CADM2: variants seen among roughly 807,000 people sequenced by gnomAD.
CADM2 encodes the protein immunoglobulin superfamily member 4D.
CADM2 carries 12 observed loss-of-function variants against 49.8 expected under a neutral mutation model. That is an observed-to-expected ratio of 0.24 (90% CI 0.15 to 0.39). The LOEUF is 0.39. Ranked by LOEUF, CADM2 falls within the 10% of genes least tolerant of loss-of-function variation. The pLI is 1.00. For missense variants in CADM2, 378 were observed against 492.3 expected (o/e 0.77, Z 2.20); for synonymous variants, 214 against 175.4 (o/e 1.22, Z -1.74).
chr3:85,748,965 A>G (rs923640597), intron 2 of CADM2, among the ~76,000 whole-genome samples: 11 of 152,088 alleles, frequency 7.2e-5, no homozygotes, highest in African/African-American at 2.2e-4. Flanking sequence ...AAGCTACAAG[A>G]TATCAACAGT....
intron 5 of CADM2, among the ~76,000 whole-genome samples, chr3:85,890,426 G>A (rs970532151): frequency 6.6e-6 from 1 of 152,068 alleles, no homozygotes; most frequent in African/African-American, 2.4e-5. Flanking sequence ...ATAGGCAGAG[G>A]GATTATTTCT....
chr3:85,489,788 C>T (rs1169675861), intron 1 of CADM2, among the ~76,000 whole-genome samples: 2 of 143,514 alleles, frequency 1.4e-5, no homozygotes, highest in Non-Finnish European at 3.1e-5. Flanking sequence ...AATTATTTAA[C>T]GTGTGTGTGT....
chr3:85,390,040 A>T (rs1559815626), intron 1 of CADM2, among the ~76,000 whole-genome samples: 1 of 152,082 alleles, frequency 6.6e-6, no homozygotes, highest in South Asian at 2.1e-4. Flanking sequence ...GTGAATATAC[A>T]TATAAGAAGG....
chr3:86,034,667 C>G (rs1295188502), intron 8 of CADM2, among the ~76,000 whole-genome samples: 3 of 152,076 alleles, frequency 2.0e-5, no homozygotes, highest in Admixed American at 2.0e-4. Flanking sequence ...TTTTAATTCT[C>G]TAGCTTTCAG....
At chr3:85,153,072 G>C (rs1233557114) in intron 1 of CADM2, among the ~76,000 whole-genome samples, 1 of 152,236 alleles carries the variant, frequency 6.6e-6, no homozygotes, top group South Asian at 2.1e-4. Context: ...TTAACACTGC[G>C]GGGGAGGAGC....
At chr3:85,408,194 A>G (rs2035490965) in intron 1 of CADM2, among the ~76,000 whole-genome samples, 1 of 152,132 alleles carries the variant, frequency 6.6e-6, no homozygotes, top group Non-Finnish European at 1.5e-5. Context: ...GTTCAGCAAT[A>G]TTTTCTTCCA....
intron 1 of CADM2, among the ~76,000 whole-genome samples, chr3:85,009,977 C>T (rs2033913329): frequency 6.6e-6 from 1 of 151,794 alleles, no homozygotes; most frequent in Non-Finnish European, 1.5e-5. Flanking sequence ...GTTATTTCAA[C>T]TCCCAAAATG....
intron 1 of CADM2, among the ~76,000 whole-genome samples, chr3:85,281,650 C>A (rs2043501879): frequency 6.6e-6 from 1 of 152,036 alleles, no homozygotes; most frequent in African/African-American, 2.4e-5. Context: ...TCAAAGAGTT[C>A]ACTAAATAGA....
At position 86,063,813 on chromosome 3, in the gene CADM2, T is replaced by C. The variant is rs540206488; in HGVS notation, c.971-1792T>C. Among the ~76,000 whole-genome samples, 512 of 152,260 alleles carry C rather than the reference T, an allele frequency of 3.4e-3. 7 individuals carry two copies. The highest frequency in any genetic ancestry group is 0.012 in the African/African-American group (481 of 41,556). ...CTAATTTACTTCTTTACTTTCACTG[T>C]CCGTTAAATAGATCTGTAAATTATA... On this transcript the variant is annotated intron_variant, in intron 8 of 9. Coordinates refer to ENST00000383699, the MANE Select transcript of CADM2 (RefSeq NM_001167675.2).
intron 1 of CADM2, among the ~76,000 whole-genome samples, chr3:85,301,310 G>A (rs1284876950): frequency 6.6e-6 from 1 of 152,026 alleles, no homozygotes; most frequent in African/African-American, 2.4e-5. Flanking sequence ...TATAAGCTGA[G>A]TCAAGACACA....
intron 2 of CADM2, among the ~76,000 whole-genome samples, chr3:85,784,622 A>C (rs2070870085): frequency 6.6e-6 from 1 of 152,120 alleles, no homozygotes; most frequent in Non-Finnish European, 1.5e-5. Context: ...TGAGACTAGC[A>C]CATTGAAATG....
chr3:85,460,584 T>C (rs192143991), intron 1 of CADM2, among the ~76,000 whole-genome samples: 56 of 152,294 alleles, frequency 3.7e-4, no homozygotes, highest in African/African-American at 1.3e-3. Context: ...AAAGTCTCCA[T>C]TGTGATATTT....
intron 1 of CADM2, among the ~76,000 whole-genome samples, chr3:85,140,712 A>G (rs1319276446): frequency 6.6e-6 from 1 of 152,208 alleles, no homozygotes. Context: ...ATGGAAAGTC[A>G]TTTGACAGGT....
chr3:85,186,474 C>A (rs1173034994), intron 1 of CADM2, among the ~76,000 whole-genome samples: 2 of 151,954 alleles, frequency 1.3e-5, no homozygotes, highest in Admixed American at 6.6e-5. Context: ...ACATTTTAAC[C>A]TTTTCAGGCA....
At chr3:85,242,238 TA>T (rs2042547999) in intron 1 of CADM2, among the ~76,000 whole-genome samples, 1 of 151,532 alleles carries the variant, frequency 6.6e-6, no homozygotes. Context: ...ACTTATTTTA[TA>T]TTTTAATAGT....
At chr3:85,326,704 G>GT (rs2044763532) in intron 1 of CADM2, among the ~76,000 whole-genome samples, 1 of 152,064 alleles carries the variant, frequency 6.6e-6, no homozygotes, top group African/African-American at 2.4e-5. Context: ...TGCCTACCCA[G>GT]GCATGAACCC....
At chr3:85,036,428 C>T (rs955373164) in intron 1 of CADM2, among the ~76,000 whole-genome samples, 2 of 151,852 alleles carry the variant, frequency 1.3e-5, no homozygotes, top group Non-Finnish European at 2.9e-5. Context: ...TAAAAAATAA[C>T]TTAAAGACTT....
At chr3:85,811,200 T>A in intron 3 of CADM2, among the ~76,000 whole-genome samples, 1 of 152,220 alleles carries the variant, frequency 6.6e-6, no homozygotes, top group Non-Finnish European at 1.5e-5. Context: ...CTTTTGATAA[T>A]ACTTTCTGCA....
chr3:85,388,770 C>A (rs1350954177), intron 1 of CADM2, among the ~76,000 whole-genome samples: 2 of 151,870 alleles, frequency 1.3e-5, no homozygotes, highest in Non-Finnish European at 2.9e-5. Context: ...TGACAACCTA[C>A]CCACCTCCAC....
Sources: allele counts gnomAD v4.1 joint callset (sites outside exome capture counted in the v4.1 genomes callset), GRCh38; gene constraint gnomAD v4.1.1; transcripts MANE v1.5; gene names NCBI Gene and HGNC (gene_info 2026-07-23, HGNC 2026-07-21).